Variants in CFAP61 observed in about 807,000 individuals in gnomAD.
CFAP61 encodes the protein cilia and flagella associated protein 61, also known as cilia- and flagella-associated protein 61.
In CFAP61, 107 loss-of-function variants were observed where a neutral mutation model predicts 135.6. The ratio of observed to expected loss-of-function variants is 0.79; its 90% CI spans 0.67 to 0.93. The LOEUF (loss-of-function observed/expected upper bound fraction) is 0.93, where lower values mean the gene tolerates loss of function less well. CFAP61 is among the 40% of genes least tolerant of loss of function. CFAP61 has a pLI of 0.00. For synonymous variants in CFAP61, 575 were observed against 578.5 expected, an observed-to-expected ratio of 0.99 and a Z score of 0.09; for missense variants, 1,507 against 1,556.2, an observed-to-expected ratio of 0.97 and a Z score of 0.53.
chr20:20,292,191 G>A lies in CFAP61; in HGVS notation c.3216+1800G>A, dbSNP rs184660088. Among the ~76,000 whole-genome samples the A allele has an allele frequency of 2.0e-4, 30 of 152,328 alleles. No homozygotes were observed. In the East Asian group the frequency reaches 5.6e-3, roughly 28 times the overall value. ...TCTGCATTTCTGGGATTGCTGGGGA[G>A]CATACATAAAGTAACATTGTCAGGA... is the stretch of plus-strand genomic sequence containing the variant. On this transcript the variant is annotated intron_variant, in intron 24 of 26. Coordinates refer to ENST00000245957, the MANE Select transcript of CFAP61 (RefSeq NM_015585.4).
At chr20:20,145,808 T>C (rs1489994119) in intron 9 of CFAP61, among the ~76,000 whole-genome samples, 1 of 152,194 alleles carries the variant, frequency 6.6e-6, no homozygotes, top group Non-Finnish European at 1.5e-5. Flanking sequence ...TGTAACAATC[T>C]TAAATACTTA....
chr20:20,093,083 T>C (rs914349748), intron 7 of CFAP61, among the ~76,000 whole-genome samples: 1 of 152,158 alleles, frequency 6.6e-6, no homozygotes, highest in Admixed American at 6.5e-5. Context: ...TACTGATGAA[T>C]AGATAAACAA....
intron 8 of CFAP61, among the ~76,000 whole-genome samples, chr20:20,132,889 A>T (rs760252893): frequency 2.0e-5 from 3 of 151,668 alleles, no homozygotes; most frequent in Non-Finnish European, 4.4e-5. Flanking sequence ...CTTATATTTT[A>T]GATGTGTTGC....
intron 9 of CFAP61, among the ~76,000 whole-genome samples, chr20:20,148,316 G>T (rs1334686271): frequency 6.6e-6 from 1 of 152,108 alleles, no homozygotes; most frequent in Non-Finnish European, 1.5e-5. Flanking sequence ...CATGGGAATT[G>T]CATTGAATCT....
intron 21 of CFAP61, among the ~76,000 whole-genome samples, chr20:20,270,998 G>A (rs544149080): frequency 2.0e-5 from 3 of 152,122 alleles, no homozygotes; most frequent in Non-Finnish European, 4.4e-5. Flanking sequence ...AAATGTGATC[G>A]CTTTATGTGC....
At chr20:20,279,738 A>G (rs1403882248) in intron 22 of CFAP61, among the ~76,000 whole-genome samples, 1 of 152,182 alleles carries the variant, frequency 6.6e-6, no homozygotes, top group Non-Finnish European at 1.5e-5. Flanking sequence ...TCTGAGTCAG[A>G]CATTGGCTTG....
intron 17 of CFAP61, among the ~76,000 whole-genome samples, chr20:20,202,983 C>T (rs1399435046): frequency 6.6e-6 from 1 of 152,108 alleles, no homozygotes; most frequent in East Asian, 1.9e-4. Flanking sequence ...CATTTCATCT[C>T]GGTAGGTTGC....
At chr20:20,151,335 C>A (rs2052388922) in intron 9 of CFAP61, among the ~76,000 whole-genome samples, 5 of 83,924 alleles carry the variant, frequency 6.0e-5, no homozygotes, top group South Asian at 9.0e-4. Context: ...TTCAAATTAA[C>A]CCAATTAGAC....
At chr20:20,297,497 C>T (rs997246823) in intron 24 of CFAP61, among the ~76,000 whole-genome samples, 3 of 152,180 alleles carry the variant, frequency 2.0e-5, no homozygotes, top group African/African-American at 7.2e-5. Context: ...TAGAAGAAGT[C>T]ACTGTGGCAT....
At chr20:20,308,812 T>C (rs2122183805) in intron 25 of CFAP61, among the ~76,000 whole-genome samples, 1 of 152,304 alleles carries the variant, frequency 6.6e-6, no homozygotes, top group African/African-American at 2.4e-5. Flanking sequence ...AAGTCCTTTA[T>C]AGATTTTCTT....
intron 8 of CFAP61, among the ~76,000 whole-genome samples, chr20:20,106,043 T>A (rs1418311383): frequency 7.5e-5 from 9 of 119,308 alleles, no homozygotes; most frequent in African/African-American, 4.2e-4. Flanking sequence ...TATATATATA[T>A]ATATATAAAA....
intron 25 of CFAP61, among the ~76,000 whole-genome samples, chr20:20,338,636 CTTTAAAG>C (rs142690935): frequency 0.028 from 4,316 of 152,304 alleles, 197 homozygotes; most frequent in African/African-American, 0.099. Flanking sequence ...AGATCCCGGC[CTTTAAAG>C]GACACCTTTA....
intron 21 of CFAP61, among the ~76,000 whole-genome samples, chr20:20,264,994 G>T (rs1184061952): frequency 1.3e-5 from 2 of 152,202 alleles, no homozygotes; most frequent in Non-Finnish European, 2.9e-5. Flanking sequence ...ATATGTAAAT[G>T]AATGGGCAGG....
intron 13 of CFAP61, among the ~76,000 whole-genome samples, chr20:20,170,072 A>G (rs1050537728): frequency 6.6e-6 from 1 of 152,212 alleles, no homozygotes; most frequent in African/African-American, 2.4e-5. Context: ...ACAGAGTGTA[A>G]AACTGCAACT....
Position 20,098,503 on chromosome 20 carries a change from G to A in CFAP61, c.700-152G>A, listed in dbSNP as rs189900918. 6,105 of 630,260 alleles carry A rather than the reference G, an allele frequency of 9.7e-3. 55 individuals are homozygous for A. Among genetic ancestry groups the A allele is most frequent in the South Asian group, 0.02 (724 of 37,052 alleles). The allele number at this position is 630,260 out of a possible 1,614,324, so 39.0% of individuals were successfully genotyped here. A position where few individuals can be genotyped will look rare whatever the true frequency, so the allele number is the denominator to read the frequency against. ...CGGGCGCCTGCAGTCCCAGCTCTGC[G>A]GGAGGCTGGGGAGAAGAATTGCTTG... On this transcript the variant is annotated intron_variant, in intron 7 of 26. Coordinates refer to ENST00000245957, the MANE Select transcript of CFAP61 (RefSeq NM_015585.4).
At chr20:20,299,191 A>G (rs2055873295) in intron 25 of CFAP61, among the ~76,000 whole-genome samples, 1 of 152,368 alleles carries the variant, frequency 6.6e-6, no homozygotes, top group Non-Finnish European at 1.5e-5. Flanking sequence ...CAAACAAAAA[A>G]GTATGTGAAA....
intron 17 of CFAP61, among the ~76,000 whole-genome samples, chr20:20,205,362 A>G (rs750472526): frequency 2.6e-5 from 4 of 152,170 alleles, no homozygotes; most frequent in Non-Finnish European, 4.4e-5. Flanking sequence ...CAGGTAAATA[A>G]CTTGTCCAAA....
chr20:20,321,047 GAA>G (rs1161609956), intron 25 of CFAP61, among the ~76,000 whole-genome samples: 1 of 151,622 alleles, frequency 6.6e-6, no homozygotes, highest in Non-Finnish European at 1.5e-5. Context: ...TTAATTCTAA[GAA>G]AAGTTAAAAG....
chr20:20,242,729 G>T (rs947096225), intron 18 of CFAP61, among the ~76,000 whole-genome samples: 1 of 152,218 alleles, frequency 6.6e-6, no homozygotes, highest in African/African-American at 2.4e-5. Flanking sequence ...AAAGCCTGAT[G>T]CAAATATAAA....
Sources: allele counts gnomAD v4.1 joint callset (sites outside exome capture counted in the v4.1 genomes callset), GRCh38; gene constraint gnomAD v4.1.1; transcripts MANE v1.5; gene names NCBI Gene and HGNC (gene_info 2026-07-23, HGNC 2026-07-21).